The following APPBP2 variants were observed in gnomAD, a reference collection of about 807,000 sequenced individuals.
APPBP2 encodes amyloid beta precursor protein binding protein 2.
Under a neutral mutation model 76.0 loss-of-function variants are expected in APPBP2, and 15 were observed. The observed-to-expected ratio is 0.20, with a 90% CI of 0.13 to 0.30. The LOEUF is 0.30. Ranked by LOEUF, APPBP2 falls within the 10% of genes least tolerant of loss-of-function variation. APPBP2 has a pLI of 1.00. For missense variants in APPBP2, 401 were observed against 687.2 expected, an observed-to-expected ratio of 0.58 and a Z score of 4.66; for synonymous variants, 222 against 242.2, an observed-to-expected ratio of 0.92 and a Z score of 0.77.
chr17:60,521,398 T>C (rs1361083995), intron 1 of APPBP2, among the ~76,000 whole-genome samples: 7 of 152,180 alleles, frequency 4.6e-5, no homozygotes, highest in African/African-American at 1.7e-4. Context: ...TCACATTCAC[T>C]CACCACTCAC....
At chr17:60,502,426 T>G (rs2090830081) in intron 1 of APPBP2, among the ~76,000 whole-genome samples, 1 of 152,242 alleles carries the variant, frequency 6.6e-6, no homozygotes, top group African/African-American at 2.4e-5. Flanking sequence ...GATAAATTTC[T>G]GATTTGCGAC....
At chr17:60,499,812 A>G (rs1314736801) in intron 2 of APPBP2, among the ~76,000 whole-genome samples, 1 of 152,208 alleles carries the variant, frequency 6.6e-6, no homozygotes, top group Non-Finnish European at 1.5e-5. Flanking sequence ...TACAATACAC[A>G]CAAAAGGATA....
chr17:60,448,876 T>C (rs1213545487), intron 12 of APPBP2, among the ~76,000 whole-genome samples: 1 of 152,234 alleles, frequency 6.6e-6, no homozygotes, highest in Non-Finnish European at 1.5e-5. Flanking sequence ...AAATTATATG[T>C]ATCTGGACAT....
intron 12 of APPBP2, 36 bp downstream of exon 12, chr17:60,451,844 A>C (rs1408662909): frequency 1.3e-6 from 2 of 1,548,506 alleles, no homozygotes; most frequent in African/African-American, 2.8e-5. Context: ...GTTGATTTGT[A>C]ATCAACTGAC....
chr17:60,512,611 A>T (rs2090923321), intron 1 of APPBP2, among the ~76,000 whole-genome samples: 1 of 151,236 alleles, frequency 6.6e-6, no homozygotes, highest in South Asian at 2.1e-4. Context: ...CTGAGGCGGG[A>T]GGATCACGAG....
chr17:60,499,963 A>T (rs529869150), intron 2 of APPBP2, among the ~76,000 whole-genome samples: 35 of 152,162 alleles, frequency 2.3e-4, no homozygotes, highest in South Asian at 1.9e-3. Flanking sequence ...CAGGGTGATT[A>T]AAAAGTTCTG....
At chr17:60,508,997 T>C (rs755237081) in intron 1 of APPBP2, among the ~76,000 whole-genome samples, 13 of 152,130 alleles carry the variant, frequency 8.5e-5, no homozygotes, top group Non-Finnish European at 1.2e-4. Context: ...AGGTAAACTA[T>C]AGATCAAGAG....
At position 60,507,026 on chromosome 17, in the gene APPBP2, C is replaced by G. The variant is rs561153960; in HGVS notation, c.139-6539G>C. Among the ~76,000 whole-genome samples, 6 of 152,210 alleles carry G rather than the reference C, an allele frequency of 3.9e-5. No individual in the cohort carries two copies. The South Asian group carries it at 1.2e-3, about 32-fold the overall frequency. Reference sequence around the variant, plus strand: ...ACTCCAGCCTGGCGATAGAGCAAGACTCCATCTCAAAAAAATAAAAATTTT... The same window carrying G: ...ACTCCAGCCTGGCGATAGAGCAAGAGTCCATCTCAAAAAAATAAAAATTTT... On this transcript the variant is annotated intron_variant, in intron 1 of 12. Transcript: ENST00000083182.
chr17:60,515,899 T>C (rs2090959296), intron 1 of APPBP2, among the ~76,000 whole-genome samples: 1 of 152,174 alleles, frequency 6.6e-6, no homozygotes, highest in Non-Finnish European at 1.5e-5. Flanking sequence ...GTGCGGTGGC[T>C]CACGCCTGTA....
chr17:60,525,060 T>G (rs2091041174), intron 1 of APPBP2, among the ~76,000 whole-genome samples: 2 of 152,214 alleles, frequency 1.3e-5, no homozygotes, highest in African/African-American at 4.8e-5. Context: ...GGGGGAGTGA[T>G]TTAAGAATGC....
intron 4 of APPBP2, among the ~76,000 whole-genome samples, chr17:60,467,405 C>G (rs1213335905): frequency 6.6e-6 from 1 of 152,162 alleles, no homozygotes; most frequent in Non-Finnish European, 1.5e-5. Flanking sequence ...TTCAGACAAT[C>G]TTTTAATCTC....
At chr17:60,506,481 C>T (rs762606348) in intron 1 of APPBP2, among the ~76,000 whole-genome samples, 9 of 152,230 alleles carry the variant, frequency 5.9e-5, no homozygotes, top group Non-Finnish European at 8.8e-5. Context: ...CTCTCAACTA[C>T]ACTATGTCAC....
At chr17:60,463,104 C>T (rs918275594) in intron 6 of APPBP2, among the ~76,000 whole-genome samples, 2 of 152,088 alleles carry the variant, frequency 1.3e-5, no homozygotes, top group African/African-American at 2.4e-5. Flanking sequence ...TGTTTACTTA[C>T]TCTAAAATGA....
At position 60,479,149 on chromosome 17, in the gene APPBP2, TCA is replaced by T; in HGVS notation, c.500_501del (p.Val167GlufsTer16). The T allele has an allele frequency of 6.2e-7, 1 of 1,610,270 alleles. No homozygotes were observed. The highest frequency in any genetic ancestry group is 8.5e-7 in the Non-Finnish European group (1 of 1,178,956). On this transcript the variant is annotated frameshift_variant and splice_region_variant, in exon 4 of 13. Coordinates refer to ENST00000083182, the MANE Select transcript of APPBP2 (RefSeq NM_006380.5). LOFTEE classifies it high-confidence loss of function. Reference protein sequence around the residue: ...LHWFRAVECCVRLLHVRNGNC... With the variant: ...LHWFRAVECCXRLLHVRNGNC... ...ATTACAGGATATGTTCCAACTTACC[TCA>T]CACAACATTCTACTGCACGAAACCA...
intron 3 of APPBP2, among the ~76,000 whole-genome samples, chr17:60,484,926 AT>A (rs1363931417): frequency 1.3e-5 from 2 of 151,418 alleles, no homozygotes; most frequent in African/African-American, 4.8e-5. Context: ...TGAGAGTTGA[AT>A]TTTGTCAAAG....
chr17:60,525,705 G>A, intron 1 of APPBP2, 89 bp downstream of exon 1: 8 of 1,582,656 alleles, frequency 5.1e-6, no homozygotes, highest in South Asian at 1.2e-5. Context: ...AAGGGGTGAG[G>A]GGTTAACTGC....
intron 12 of APPBP2, among the ~76,000 whole-genome samples, chr17:60,448,647 T>C (rs2090368544): frequency 6.6e-6 from 1 of 152,236 alleles, no homozygotes; most frequent in Non-Finnish European, 1.5e-5. Context: ...CTGGGCTCTC[T>C]GTAACGGTTA....
chr17:60,484,033 T>C (rs1441468916), intron 3 of APPBP2, among the ~76,000 whole-genome samples: 4 of 152,196 alleles, frequency 2.6e-5, no homozygotes, highest in Admixed American at 6.5e-5. Flanking sequence ...AAAGATCAGA[T>C]GGTTGTAGAT....
chr17:60,502,806 G>A (rs1049554035), intron 1 of APPBP2, among the ~76,000 whole-genome samples: 1 of 145,966 alleles, frequency 6.9e-6, no homozygotes, highest in Non-Finnish European at 1.5e-5. Context: ...AGCCAAGATC[G>A]CGCCACTGCA....
Sources: gnomAD v4.1 joint callset for allele counts (sites outside exome capture counted in the v4.1 genomes callset) on GRCh38, gnomAD v4.1.1 for gene constraint, MANE v1.5 for transcripts, NCBI Gene and HGNC (gene_info 2026-07-23, HGNC 2026-07-21) for gene names.